RPE65: variants seen among roughly 807,000 people sequenced by gnomAD.
RPE65 encodes the protein retinoid isomerohydrolase RPE65, also known as retinoid isomerohydrolase.
In RPE65, 58 loss-of-function variants were observed where a neutral mutation model predicts 68.5. The ratio of observed to expected loss-of-function variants is 0.85; its 90% CI spans 0.69 to 1.05. RPE65 has a LOEUF of 1.05. Ranked by LOEUF, RPE65 falls within the 50% of genes least tolerant of loss-of-function variation. The pLI is 0.00. For synonymous variants in RPE65, 220 were observed against 222.2 expected, an observed-to-expected ratio of 0.99 and a Z score of 0.09; for missense variants, 643 against 629.9, an observed-to-expected ratio of 1.02 and a Z score of -0.22.
chr1:68,441,207 G>A (rs1645900220), intron 5 of RPE65, among the ~76,000 whole-genome samples: 1 of 152,100 alleles, frequency 6.6e-6, no homozygotes, highest in African/African-American at 2.4e-5. Context: ...TGAATCTGGA[G>A]TTACCTGTGA....
At chr1:68,432,155 G>C (rs1645831712) in intron 10 of RPE65, among the ~76,000 whole-genome samples, 1 of 150,928 alleles carries the variant, frequency 6.6e-6, no homozygotes, top group Non-Finnish European at 1.5e-5. Context: ...AATACCATGA[G>C]ATTTTTCTAA....
chr1:68,446,896 C>G lies in RPE65; in HGVS notation c.95-36G>C, dbSNP rs1161495263. ...GGGGAGACAGAACATTGCTTCTTAT[C>G]CCTGCCTTGGGCTAGGCTTGTCCTT... On this transcript the variant is annotated intron_variant, in intron 2 of 13. Transcript: ENST00000262340. 4 of 1,612,452 alleles carry G rather than the reference C, an allele frequency of 2.5e-6. No homozygotes were observed. In the East Asian group the frequency reaches 6.7e-5, roughly 27 times the overall value.
chr1:68,432,499 G>A (rs943637126), intron 10 of RPE65, among the ~76,000 whole-genome samples: 4 of 152,158 alleles, frequency 2.6e-5, no homozygotes, highest in Non-Finnish European at 5.9e-5. Flanking sequence ...ATCTGGGGAA[G>A]AGTGTTCACG....
Position 68,449,308 on chromosome 1 carries a change from A to G in RPE65, c.11+587T>C, listed in dbSNP as rs574839935. ...ATTTCTCTACCAATCCCCAAGACCT[A>G]CAGTACTTTTTCATCATAGTCAGAC... On this transcript the variant is annotated intron_variant, in intron 1 of 13. Coordinates refer to ENST00000262340, the MANE Select transcript of RPE65 (RefSeq NM_000329.3). Among the ~76,000 whole-genome samples, 36 of 152,204 alleles carry G rather than the reference A, an allele frequency of 2.4e-4. No homozygotes were observed. The South Asian group carries it at 7.5e-3, about 32-fold the overall frequency.
In RPE65 at chr1:68,439,028, G is replaced by A; in HGVS notation, c.912C>T (p.Tyr304=). ...KKRKKYLNNK[Y]RTSPFNLFHH... ...GGAAGAGGTTGAAAGGAGAAGTTCT[G>A]TATTTATTATTGAGGTACTTTTTCC... is the stretch of plus-strand genomic sequence containing the variant. The change falls in exon 9 of 14, where the codon TAC becomes TAT. Residue 304 remains tyrosine, a synonymous_variant. Coordinates refer to ENST00000262340, the MANE Select transcript of RPE65 (RefSeq NM_000329.3). 6.2e-7 allele frequency: 1 copy of A among 1,613,980 alleles called. No homozygotes were observed. The highest frequency in any genetic ancestry group is 8.5e-7 in the Non-Finnish European group (1 of 1,179,928).
Position 68,432,940 on chromosome 1 carries a change from A to G in RPE65, c.1129-1355T>C, listed in dbSNP as rs143818895. Among the ~76,000 whole-genome samples, 16 of 152,268 alleles carry G rather than the reference A, an allele frequency of 1.1e-4. 1 individual carries two copies. In the East Asian group the frequency reaches 2.9e-3, roughly 28 times the overall value. ...GATTTCCTGTTAAATAGGATATGGG[A>G]CGAGGAAGAGGCATGAAAGTAAGAG... On this transcript the variant is annotated intron_variant, in intron 10 of 13. Coordinates refer to ENST00000262340, the MANE Select transcript of RPE65 (RefSeq NM_000329.3).
chr1:68,431,691 T>G, intron 10 of RPE65, 106 bp from the exon 11 acceptor site: 1 of 914,902 alleles, frequency 1.1e-6, no homozygotes. Flanking sequence ...TAGGTCAACA[T>G]GCAGGGAGGA....
At chr1:68,444,401 G>T in intron 5 of RPE65, 130 bp downstream of exon 5, 2 of 1,200,760 alleles carry the variant, frequency 1.7e-6, no homozygotes, top group Non-Finnish European at 2.4e-6. Context: ...TCCATTTGGA[G>T]CTTGGAATGG....
At chr1:68,431,440 C>T in intron 11 of RPE65, 31 bp downstream of exon 11, 1 of 1,612,206 alleles carries the variant, frequency 6.2e-7, no homozygotes, top group Non-Finnish European at 8.5e-7. Context: ...TTTGTTCACT[C>T]CCGTGTGAAG....
chr1:68,438,614 T>TG (rs1377630038), intron 9 of RPE65, among the ~76,000 whole-genome samples: 2 of 152,330 alleles, frequency 1.3e-5, no homozygotes, highest in Non-Finnish European at 2.9e-5. Flanking sequence ...TTGGCTAGTC[T>TG]GAAAAACGCA....
chr1:68,431,635 A>C, intron 10 of RPE65, 50 bp from the exon 11 acceptor site: 1 of 1,481,496 alleles, frequency 6.7e-7, no homozygotes, highest in Non-Finnish European at 9.4e-7. Context: ...GAATTCAAAC[A>C]GCCAGAAATG....
intron 10 of RPE65, among the ~76,000 whole-genome samples, chr1:68,434,391 A>G (rs1424053263): frequency 6.6e-6 from 1 of 152,108 alleles, no homozygotes; most frequent in Non-Finnish European, 1.5e-5. Context: ...TGAAGGCAAC[A>G]TTCTAAGAAG....
Position 68,429,858 on chromosome 1 carries a change from G to C in RPE65, c.1520C>G (p.Ala507Gly), listed in dbSNP as rs201449203. 13 of 1,613,816 alleles carry C rather than the reference G, an allele frequency of 8.1e-6. No individual in the cohort carries two copies. The highest frequency in any genetic ancestry group is 1.1e-5 in the Non-Finnish European group (13 of 1,179,810). The change falls in exon 14 of 14, where the codon GCC (alanine) becomes GGC (glycine). Residue 507 changes from alanine to glycine, a missense_variant. Ala to Gly is a moderately conservative substitution (Grantham distance 60). Coordinates refer to ENST00000262340, the MANE Select transcript of RPE65 (RefSeq NM_000329.3). Reference sequence around the variant, plus strand: ...CCGGGCAACTTCACTTAAGTCCTTGGCATTCAGAATCAGGAGATAAGCAGG... The same window carrying C: ...CCGGGCAACTTCACTTAAGTCCTTGCCATTCAGAATCAGGAGATAAGCAGG... Reference protein sequence around the residue: ...QKPAYLLILNAKDLSEVARAE... With the variant: ...QKPAYLLILNGKDLSEVARAE...
chr1:68,446,903 T>C lies in RPE65; in HGVS notation c.95-43A>G, dbSNP rs571637205. 8.7e-6 allele frequency: 14 copies of C among 1,612,184 alleles called. No homozygotes were observed. The African/African-American group carries it at 1.5e-4, about 17-fold the overall frequency. On this transcript the variant is annotated intron_variant, in intron 2 of 13. Transcript: ENST00000262340. ...CAGAACATTGCTTCTTATCCCTGCC[T>C]TGGGCTAGGCTTGTCCTTGGTAAGG...
Position 68,444,643 on chromosome 1 carries a change from A to G in RPE65, c.383T>C (p.Val128Ala). ...RFFSYFRGVEVTDNALVNVYP... is the reference protein window; with the variant it reads ...RFFSYFRGVEATDNALVNVYP... ...GACATTAACAAGGGCATTGTCAGTA[A>G]CCTCTACTCCTCGAAAGTAAGAAAA... Residue 128 changes from valine (V) to alanine (A), a missense_variant, in exon 5 of 14, where the codon GTT (valine) becomes GCT (alanine). Coordinates refer to ENST00000262340, the MANE Select transcript of RPE65 (RefSeq NM_000329.3). 1 of 1,614,106 alleles carries G rather than the reference A, an allele frequency of 6.2e-7. No homozygotes were observed. The highest frequency in any genetic ancestry group is 8.5e-7 in the Non-Finnish European group (1 of 1,180,016).
intron 6 of RPE65, among the ~76,000 whole-genome samples, chr1:68,440,374 T>G (rs1645893600): frequency 6.6e-6 from 1 of 152,220 alleles, no homozygotes; most frequent in Non-Finnish European, 1.5e-5. Flanking sequence ...ACACTCTTTT[T>G]GCTGTAGTTC....
chr1:68,429,535 G>A lies in RPE65; in HGVS notation c.*241C>T, dbSNP rs1571156962. ...TCCTATTTGATTGCTAAATATTTAA[G>A]AGTTTTTCAGTTATGGCCTGTCTCA... On this transcript the variant is annotated 3_prime_UTR_variant, in exon 14 of 14. Coordinates refer to ENST00000262340, the MANE Select transcript of RPE65 (RefSeq NM_000329.3). 2.0e-6 allele frequency: 1 copy of A among 509,020 alleles called. No individual in the cohort carries two copies. The highest frequency in any genetic ancestry group is 3.5e-6 in the Non-Finnish European group (1 of 284,052). 31.5% of individuals were successfully genotyped at this position (509,020 alleles called of 1,614,324 possible). A position where few individuals can be genotyped will look rare whatever the true frequency, so the allele number is the denominator to read the frequency against.
At chr1:68,435,640 C>T (rs1645857616) in intron 10 of RPE65, among the ~76,000 whole-genome samples, 1 of 152,204 alleles carries the variant, frequency 6.6e-6, no homozygotes, top group Admixed American at 6.5e-5. Flanking sequence ...TCCCTCTCCA[C>T]CTATCTGTCT....
intron 5 of RPE65, among the ~76,000 whole-genome samples, chr1:68,443,291 A>G (rs1645916306): frequency 6.6e-6 from 1 of 152,182 alleles, no homozygotes; most frequent in South Asian, 2.1e-4. Flanking sequence ...AAATGTCAGG[A>G]GCGTTTTGGG....
Sources: gnomAD v4.1 joint callset for allele counts (sites outside exome capture counted in the v4.1 genomes callset) on GRCh38, gnomAD v4.1.1 for gene constraint, MANE v1.5 for transcripts, NCBI Gene and HGNC (gene_info 2026-07-23, HGNC 2026-07-21) for gene names.